Variants in AP4E1 observed in about 807,000 individuals in gnomAD.
AP4E1 encodes AP-4 complex subunit epsilon-1.
In AP4E1, 56 loss-of-function variants were observed where a neutral mutation model predicts 128.2. That is an observed-to-expected ratio of 0.44 (90% CI 0.35 to 0.55). The LOEUF is 0.55. Ranked by LOEUF, AP4E1 falls within the 20% of genes least tolerant of loss-of-function variation. AP4E1 has a pLI of 0.00. For synonymous variants in AP4E1, 484 were observed against 473.1 expected (o/e 1.02, Z -0.30); for missense variants, 1,324 against 1,307.7 (o/e 1.01, Z -0.19).
chr15:50,993,323 A>G (rs1463777672), intron 16 of AP4E1, 47 bp from the exon 17 acceptor site: 2 of 1,602,430 alleles, frequency 1.2e-6, no homozygotes, highest in African/African-American at 1.3e-5. Flanking sequence ...GAAAGTAACT[A>G]TTAGCAGTTA....
chr15:50,915,190 C>T (rs987078143), intron 2 of AP4E1, among the ~76,000 whole-genome samples: 9 of 152,080 alleles, frequency 5.9e-5, no homozygotes, highest in African/African-American at 2.2e-4. Context: ...CACATAGAAA[C>T]AGCTACAGTT....
At chr15:50,973,497 A>G (rs1269613484) in intron 15 of AP4E1, among the ~76,000 whole-genome samples, 2 of 152,302 alleles carry the variant, frequency 1.3e-5, no homozygotes, top group African/African-American at 2.4e-5. Context: ...TGTAGATACA[A>G]TGTTGTACAG....
intron 15 of AP4E1, among the ~76,000 whole-genome samples, chr15:50,979,672 C>T (rs2064611690): frequency 6.6e-6 from 1 of 152,056 alleles, no homozygotes; most frequent in African/African-American, 2.4e-5. Context: ...TTACAGGCGT[C>T]CACCACCATG....
chr15:50,949,746 A>G, intron 11 of AP4E1, 80 bp from the exon 12 acceptor site: 1 of 1,133,134 alleles, frequency 8.8e-7, no homozygotes, highest in Non-Finnish European at 1.3e-6. Context: ...AATTGGGGTT[A>G]TTTTTTAAAA....
chr15:50,974,371 A>G (rs1430176982), intron 15 of AP4E1, among the ~76,000 whole-genome samples: 1 of 150,384 alleles, frequency 6.6e-6, no homozygotes, highest in African/African-American at 2.5e-5. Context: ...GGCTCAAGTG[A>G]TCCTACTGCC....
chr15:50,935,454 CA>C (rs530331131), intron 8 of AP4E1, among the ~76,000 whole-genome samples: 2 of 151,622 alleles, frequency 1.3e-5, no homozygotes, highest in Non-Finnish European at 2.9e-5. Flanking sequence ...AGAAAGTAGC[CA>C]AAAAAACTTC....
intron 14 of AP4E1, among the ~76,000 whole-genome samples, chr15:50,964,817 T>C (rs1352314333): frequency 1.3e-5 from 2 of 152,122 alleles, no homozygotes; most frequent in African/African-American, 4.8e-5. Flanking sequence ...TGAATTGTAA[T>C]CCCCAGCGTT....
At chr15:50,920,110 C>CTTCT (rs1555454236) in intron 3 of AP4E1, among the ~76,000 whole-genome samples, 540 of 50,118 alleles carry the variant, frequency 0.011, 13 homozygotes, top group Admixed American at 0.016. Flanking sequence ...AAATTTATGC[C>CTTCT]TTTTTTTTTT....
In AP4E1 at chr15:51,004,268, C is replaced by T. The variant is rs2064996216; in HGVS notation, c.*1606C>T. ...ATCAGCTCCCTCCTTATTCCTACCT[C>T]TGTCAGCAGCATGCCTCGCCCCTTA... On this transcript the variant is annotated 3_prime_UTR_variant, in exon 21 of 21. Coordinates refer to ENST00000261842, the MANE Select transcript of AP4E1 (RefSeq NM_007347.5). The T allele has an allele frequency of 6.6e-6, 1 of 152,220 alleles. No homozygotes were observed. The highest frequency in any genetic ancestry group is 2.1e-4 in the South Asian group (1 of 4,830). The allele number at this position is 152,220 out of a possible 1,614,324, so 9.4% of individuals were successfully genotyped here.
At chr15:50,971,423 A>G (rs1298733107) in intron 15 of AP4E1, among the ~76,000 whole-genome samples, 1 of 152,168 alleles carries the variant, frequency 6.6e-6, no homozygotes, top group Non-Finnish European at 1.5e-5. Context: ...TGCCACAAAA[A>G]GGACCTGCTT....
At chr15:50,922,222 A>G (rs1169202662) in intron 3 of AP4E1, among the ~76,000 whole-genome samples, 2 of 151,194 alleles carry the variant, frequency 1.3e-5, no homozygotes, top group African/African-American at 4.9e-5. Flanking sequence ...GGTCCCAGCT[A>G]CTTGGGAGGC....
At chr15:50,996,344 C>T (rs1345363761) in intron 17 of AP4E1, among the ~76,000 whole-genome samples, 1 of 151,934 alleles carries the variant, frequency 6.6e-6, no homozygotes, top group Admixed American at 6.6e-5. Flanking sequence ...AAAATAACTA[C>T]TATTTGATAG....
chr15:50,915,758 G>A, intron 3 of AP4E1, 187 bp downstream of exon 3: 2 of 664,756 alleles, frequency 3.0e-6, no homozygotes, highest in Admixed American at 3.0e-5. Flanking sequence ...CTGATGCATA[G>A]CATTTTGGAG....
At chr15:50,941,181 G>A (rs543245863) in intron 8 of AP4E1, among the ~76,000 whole-genome samples, 89 of 152,196 alleles carry the variant, frequency 5.8e-4, no homozygotes, top group African/African-American at 1.8e-3. Flanking sequence ...CACATGGGAG[G>A]TGTTCAGTAA....
intron 15 of AP4E1, among the ~76,000 whole-genome samples, chr15:50,971,342 G>A (rs1310258122): frequency 6.6e-6 from 1 of 152,060 alleles, no homozygotes; most frequent in African/African-American, 2.4e-5. Flanking sequence ...TCCCTTATAT[G>A]TGACTTGATG....
In AP4E1 at chr15:51,000,981, TTTCACTGTTTTTGACA is replaced by T. The variant is rs1456387056; in HGVS notation, c.3096-43_3096-28del. 2.1e-5 allele frequency: 31 copies of T among 1,458,316 alleles called. 1 individual carries two copies. In the African/African-American group the frequency reaches 3.3e-4, roughly 16 times the overall value. The allele number at this position is 1,458,316 out of a possible 1,614,324, so 90.3% of individuals were successfully genotyped here. A position where few individuals can be genotyped will look rare whatever the true frequency, so the allele number is the denominator to read the frequency against. On this transcript the variant is annotated intron_variant, in intron 19 of 20. Coordinates refer to ENST00000261842, the MANE Select transcript of AP4E1 (RefSeq NM_007347.5). ...ATTTGAAATTTGTTGTTTAGAATCATTTCACTGTTTTTGACATATATCTAATTTTAAAAATTATTTT... is the reference window on the plus strand; with the variant it reads ...ATTTGAAATTTGTTGTTTAGAATCATTATATCTAATTTTAAAAATTATTTT...
intron 2 of AP4E1, 126 bp from the exon 3 acceptor site, chr15:50,915,322 T>G (rs1178156965): frequency 1.0e-6 from 1 of 969,162 alleles, no homozygotes; most frequent in Non-Finnish European, 1.5e-6. Flanking sequence ...GTGATTAATT[T>G]GTAATATATA....
rs772646477 is a variant in AP4E1 at position 51,001,140 on chromosome 15, G to C, written c.3210G>C (p.Lys1070Asn). The C allele has an allele frequency of 6.8e-6, 11 of 1,613,528 alleles. No individual in the cohort carries two copies. Among genetic ancestry groups the C allele is most frequent in the Admixed American group, 3.3e-5 (2 of 59,984 alleles). The change falls in exon 20 of 21, where the codon AAG becomes AAC. Residue 1070 changes from lysine to asparagine, a missense_variant. Lys to Asn is a moderately conservative substitution (Grantham distance 94, BLOSUM62 0). Coordinates refer to ENST00000261842, the MANE Select transcript of AP4E1 (RefSeq NM_007347.5). ...ESQAALPSAL[K>N]TLQQKLRLHI... ...AAGCTGCACTTCCTTCTGCACTAAA[G>C]ACTCTGCAACAGAAACTAAGACTCC...
chr15:50,997,276 A>G, intron 17 of AP4E1, 50 bp from the exon 18 acceptor site: 2 of 1,459,728 alleles, frequency 1.4e-6, no homozygotes, highest in Non-Finnish European at 1.8e-6. Context: ...TTTAAAACTC[A>G]TGACTAGTAG....
Sources: allele counts gnomAD v4.1 joint callset (sites outside exome capture counted in the v4.1 genomes callset), GRCh38; gene constraint gnomAD v4.1.1; transcripts MANE v1.5; gene names NCBI Gene and HGNC (gene_info 2026-07-23, HGNC 2026-07-21).